ZFYVE26: variants seen among roughly 807,000 people sequenced by gnomAD.
ZFYVE26 encodes zinc finger FYVE-type containing 26.
A neutral mutation model predicts 276.5 loss-of-function variants in ZFYVE26; 181 were observed. That is an observed-to-expected ratio of 0.65 (90% CI 0.58 to 0.74). The LOEUF (loss-of-function observed/expected upper bound fraction) is 0.74, where lower values mean the gene tolerates loss of function less well. ZFYVE26 is among the 30% of genes least tolerant of loss of function. The probability of loss-of-function intolerance (pLI) is 0.00; values close to 1 mark genes in which losing one functional copy is unlikely to be tolerated. For synonymous variants in ZFYVE26, 1,129 were observed against 1,203.1 expected (o/e 0.94, Z 1.27); for missense variants, 2,821 against 3,097.9 (o/e 0.91, Z 2.12).
rs113096446 is a variant in ZFYVE26 at position 67,803,623 on chromosome 14, G to A, written c.1435+478C>T. Among the ~76,000 whole-genome samples the A allele has an allele frequency of 7.1e-3, 1,086 of 152,284 alleles. 16 individuals are homozygous for A. The highest frequency in any genetic ancestry group is 0.025 in the African/African-American group (1,028 of 41,542). ...CTCCCAAAGTGCTGGGATTACAGGC[G>A]TGAGACACTGCGCCCAGCCCAGGCA... is the stretch of plus-strand genomic sequence containing the variant. On this transcript the variant is annotated intron_variant, in intron 9 of 41. Coordinates refer to ENST00000347230, the MANE Select transcript of ZFYVE26 (RefSeq NM_015346.4).
intron 24 of ZFYVE26, 88 bp downstream of exon 24, chr14:67,778,038 T>A: frequency 1.3e-6 from 2 of 1,571,334 alleles, no homozygotes; most frequent in Admixed American, 1.7e-5. Flanking sequence ...TGAGATTGCA[T>A]GGGATTCAAC....
In ZFYVE26 at chr14:67,756,346, C is replaced by G. The variant is rs574829225; in HGVS notation, c.6589-201G>C. On this transcript the variant is annotated intron_variant, in intron 35 of 41. Coordinates refer to ENST00000347230, the MANE Select transcript of ZFYVE26 (RefSeq NM_015346.4). ...TTCTCTCCTTCCTTTTACAGAGAAG[C>G]CCCTAGACAGGGTTATCTACCCTCA... 1.1e-4 allele frequency: 69 copies of G among 642,774 alleles called. 1 individual carries two copies. Among genetic ancestry groups the G allele is most frequent in the South Asian group, 7.5e-4 (41 of 54,650 alleles). 39.8% of individuals were successfully genotyped at this position (642,774 alleles called of 1,614,324 possible).
chr14:67,786,085 G>A (rs1433195886), intron 17 of ZFYVE26, 29 bp downstream of exon 17: 10 of 1,613,974 alleles, frequency 6.2e-6, no homozygotes, highest in South Asian at 5.5e-5. Context: ...TCCAAGTCCA[G>A]GAGAAGAAAA....
intron 13 of ZFYVE26, among the ~76,000 whole-genome samples, chr14:67,739,312 G>T (rs1020456909): frequency 1.3e-5 from 2 of 152,168 alleles, no homozygotes; most frequent in African/African-American, 4.8e-5. Flanking sequence ...GTGGTGAAAG[G>T]AAAGATAGAG....
At chr14:67,793,503 T>C (rs2039873593) in intron 14 of ZFYVE26, 105 bp downstream of exon 14, 1 of 1,316,562 alleles carries the variant, frequency 7.6e-7, no homozygotes, top group Non-Finnish European at 1.1e-6. Context: ...TTCTTCTGCT[T>C]GATGTGGACC....
chr14:67,737,002 G>A (rs1339319920), intron 13 of ZFYVE26, among the ~76,000 whole-genome samples: 4 of 151,710 alleles, frequency 2.6e-5, no homozygotes. Flanking sequence ...GTGAGGGCAA[G>A]TTCTAGATAA....
chr14:67,731,203 CTT>C (rs1177315136), intron 13 of ZFYVE26, among the ~76,000 whole-genome samples: 1 of 119,210 alleles, frequency 8.4e-6, no homozygotes, highest in Non-Finnish European at 1.7e-5. Context: ...ATATTTCTTT[CTT>C]TCTTTTTTTT....
At chr14:67,816,292 C>T (rs912867704) in intron 1 of ZFYVE26, among the ~76,000 whole-genome samples, 8 of 152,160 alleles carry the variant, frequency 5.3e-5, no homozygotes, top group Admixed American at 1.3e-4. Context: ...ACTCTACGTC[C>T]GTATTCCCTA....
Position 67,762,394 on chromosome 14 carries a change from G to A in ZFYVE26, c.6178C>T (p.Leu2060Phe). 6.2e-7 allele frequency: 1 copy of A among 1,614,044 alleles called. No individual in the cohort carries two copies. Among genetic ancestry groups the A allele is most frequent in the Non-Finnish European group, 8.5e-7 (1 of 1,179,970 alleles). The change falls in exon 34 of 42, where the codon CTT becomes TTT. Residue 2060 changes from leucine to phenylalanine, a missense_variant. Physicochemically the swap from Leu to Phe is conservative, Grantham distance 22. Transcript: ENST00000347230. ...LGVEVSTKTG[L>F]DTTGAWHAWG... ...GCATGCCACGCCCCGGTGGTATCAA[G>A]CCCAGTCTTTGTGGAGACCTGGGAG...
In ZFYVE26 at chr14:67,756,291, T is replaced by C. The variant is rs945911526; in HGVS notation, c.6589-146A>G. The stretch of plus-strand genomic sequence containing the variant: ...AATCTTTTATGTGTCACAGATACCT[T>C]TGAGAATCTCATTCTAGCGACTGCT... On this transcript the variant is annotated intron_variant, in intron 35 of 41. Transcript: ENST00000347230. 11 of 865,570 alleles carry C rather than the reference T, an allele frequency of 1.3e-5. No individual in the cohort carries two copies. In the African/African-American group the frequency reaches 1.3e-4, roughly 10 times the overall value. 53.6% of individuals were successfully genotyped at this position (865,570 alleles called of 1,614,324 possible). A position where few individuals can be genotyped will look rare whatever the true frequency, so the allele number is the denominator to read the frequency against.
downstream of ZFYVE26, among the ~76,000 whole-genome samples, chr14:67,745,477 T>TG (rs1245514129): frequency 6.6e-6 from 1 of 152,016 alleles, no homozygotes; most frequent in East Asian, 1.9e-4. Flanking sequence ...ATAGTTTGTT[T>TG]TTTTTTTTTC....
chr14:67,761,837 C>T, intron 34 of ZFYVE26: 1 of 574,276 alleles, frequency 1.7e-6, no homozygotes, highest in Non-Finnish European at 3.1e-6. Context: ...AAAGGCAGAA[C>T]AGGCAGGATA....
intron 35 of ZFYVE26, among the ~76,000 whole-genome samples, chr14:67,757,682 C>G (rs1241619381): frequency 1.5e-5 from 2 of 130,634 alleles, no homozygotes; most frequent in Non-Finnish European, 3.3e-5. Flanking sequence ...TTCTTTCTTT[C>G]TCTCTCTCTT....
intron 10 of ZFYVE26, among the ~76,000 whole-genome samples, chr14:67,800,659 T>C (rs2040057742): frequency 6.6e-6 from 1 of 152,158 alleles, no homozygotes; most frequent in South Asian, 2.1e-4. Flanking sequence ...TAGATTTTCA[T>C]TTCTATGTAG....
chr14:67,739,000 T>C lies in ZFYVE26; in HGVS notation n.2680-9181A>G, dbSNP rs2038384189. Among the ~76,000 whole-genome samples, 3 of 152,206 alleles carry C rather than the reference T, an allele frequency of 2.0e-5. No individual in the cohort carries two copies. In the South Asian group the frequency reaches 6.2e-4, roughly 32 times the overall value. ...ATGTTTTTGAAAGCAACCCAGGTGATTCTGATGGGCTGCCAGGGCTGTGAA... is the reference window on the plus strand; with the variant it reads ...ATGTTTTTGAAAGCAACCCAGGTGACTCTGATGGGCTGCCAGGGCTGTGAA... On this transcript the variant is annotated intron_variant and non_coding_transcript_variant, in intron 13 of 14. Coordinates refer to the ZFYVE26 transcript ENST00000394455.
At position 67,774,172 on chromosome 14, in the gene ZFYVE26, A is replaced by G. The variant is rs539852830; in HGVS notation, c.5320+844T>C. On this transcript the variant is annotated intron_variant, in intron 27 of 41. Transcript: ENST00000347230. ...GAAAGTTTTGAGTCACCCAATACTC[A>G]ACACTCAAATTCCCAACTGAGGTTG... Among the ~76,000 whole-genome samples the G allele has an allele frequency of 2.6e-5, 4 of 152,332 alleles. No individual in the cohort carries two copies. The South Asian group carries it at 6.2e-4, about 24-fold the overall frequency.
intron 32 of ZFYVE26, among the ~76,000 whole-genome samples, chr14:67,764,167 A>G (rs2039001247): frequency 6.6e-6 from 1 of 152,138 alleles, no homozygotes; most frequent in Admixed American, 6.5e-5. Context: ...TGCTGCTGAG[A>G]CAAGCCTACA....
chr14:67,737,985 T>G (rs183266132), intron 13 of ZFYVE26, among the ~76,000 whole-genome samples: 9 of 152,290 alleles, frequency 5.9e-5, no homozygotes, highest in African/African-American at 2.2e-4. Flanking sequence ...TGTACCTAAG[T>G]CAAGATATTT....
rs908516829 is a variant in ZFYVE26 at position 67,807,417 on chromosome 14, C to T, written c.867G>A (p.Arg289=). ...YAEKVTEKPP[R]ATASGKVSPD... ...ACACACCTTTTCCCGAGGCTGTAGCCCTCGGTGGCTTTTCTGTGACCTTCT... is the reference window on the plus strand; with the variant it reads ...ACACACCTTTTCCCGAGGCTGTAGCTCTCGGTGGCTTTTCTGTGACCTTCT... Residue 289 remains arginine, a synonymous_variant, in exon 5 of 42, where the codon AGG becomes AGA. Coordinates refer to ENST00000347230, the MANE Select transcript of ZFYVE26 (RefSeq NM_015346.4). 1 of 1,614,050 alleles carries T rather than the reference C, an allele frequency of 6.2e-7. No individual in the cohort carries two copies. Among genetic ancestry groups the T allele is most frequent in the Non-Finnish European group, 8.5e-7 (1 of 1,180,040 alleles).
Sources: allele counts gnomAD v4.1 joint callset (sites outside exome capture counted in the v4.1 genomes callset), GRCh38; gene constraint gnomAD v4.1.1; transcripts MANE v1.5; gene names NCBI Gene and HGNC (gene_info 2026-07-23, HGNC 2026-07-21).